The following DLG2 variants were observed in gnomAD, a reference collection of about 807,000 sequenced individuals.
The protein encoded by DLG2 is discs large MAGUK scaffold protein 2.
DLG2 carries 45 observed loss-of-function variants against 132.5 expected under a neutral mutation model. That is an observed-to-expected ratio of 0.34 (90% CI 0.27 to 0.44). The LOEUF is 0.44. Ranked by LOEUF, DLG2 falls within the 20% of genes least tolerant of loss-of-function variation. DLG2 has a pLI of 1.00. For synonymous variants in DLG2, 424 were observed against 419.6 expected, an observed-to-expected ratio of 1.01 and a Z score of -0.13; for missense variants, 1,045 against 1,196.9, an observed-to-expected ratio of 0.87 and a Z score of 1.87.
At chr11:83,894,620 C>T (rs1428596627) in intron 15 of DLG2, among the ~76,000 whole-genome samples, 1 of 152,064 alleles carries the variant, frequency 6.6e-6, no homozygotes, top group Non-Finnish European at 1.5e-5. Flanking sequence ...ATATCTATCG[C>T]CTCAACCATT....
chr11:85,145,114 C>A (rs1046973907), intron 5 of DLG2, among the ~76,000 whole-genome samples: 1 of 148,884 alleles, frequency 6.7e-6, no homozygotes, highest in Non-Finnish European at 1.5e-5. Flanking sequence ...AAAGTTGTTT[C>A]ATTTTTTTTT....
intron 6 of DLG2, among the ~76,000 whole-genome samples, chr11:84,679,125 A>G (rs1307300778): frequency 1.3e-5 from 2 of 151,984 alleles, no homozygotes; most frequent in Admixed American, 1.3e-4. Flanking sequence ...AATACAAAAT[A>G]ACAGCAATGA....
intron 11 of DLG2, among the ~76,000 whole-genome samples, chr11:84,051,768 T>C (rs1273130290): frequency 6.7e-6 from 1 of 149,852 alleles, no homozygotes; most frequent in African/African-American, 2.5e-5. Context: ...AAACTTAAAG[T>C]ATAATATAAA....
chr11:84,141,416 A>G (rs543892434), intron 9 of DLG2, among the ~76,000 whole-genome samples: 267 of 152,234 alleles, frequency 1.8e-3, no homozygotes, highest in African/African-American at 5.9e-3. Context: ...ATATGTTTAT[A>G]CTTGTATATA....
At chr11:84,409,848 C>A (rs2098889350) in intron 7 of DLG2, among the ~76,000 whole-genome samples, 1 of 152,102 alleles carries the variant, frequency 6.6e-6, no homozygotes, top group Non-Finnish European at 1.5e-5. Context: ...ACAATTCCTC[C>A]CTCCCTTCAC....
intron 3 of DLG2, among the ~76,000 whole-genome samples, chr11:85,388,674 C>G (rs1468021935): frequency 1.3e-5 from 2 of 152,184 alleles, no homozygotes. Flanking sequence ...TATCACAGGA[C>G]TCTTTGCAGA....
intron 19 of DLG2, among the ~76,000 whole-genome samples, chr11:83,579,512 G>C (rs1195320181): frequency 6.6e-6 from 1 of 152,080 alleles, no homozygotes; most frequent in Admixed American, 6.6e-5. Flanking sequence ...ATTATGTGCA[G>C]ATTTTATAGA....
At chr11:84,019,065 G>T (rs991042201) in intron 11 of DLG2, among the ~76,000 whole-genome samples, 1 of 151,524 alleles carries the variant, frequency 6.6e-6, no homozygotes, top group East Asian at 1.9e-4. Context: ...TGTTCTAGGT[G>T]GTAGTTACAG....
intron 11 of DLG2, among the ~76,000 whole-genome samples, chr11:83,985,584 A>G (rs891181365): frequency 3.3e-5 from 5 of 151,966 alleles, no homozygotes; most frequent in African/African-American, 9.7e-5. Context: ...TTCAGCTCCC[A>G]CTTACAAGTG....
intron 6 of DLG2, among the ~76,000 whole-genome samples, chr11:84,990,108 G>A (rs1158136190): frequency 3.3e-5 from 5 of 152,098 alleles, no homozygotes; most frequent in Non-Finnish European, 7.4e-5. Flanking sequence ...TCCAACAAAG[G>A]ACTTGTATCC....
At chr11:84,954,050 G>C (rs1457747163) in intron 6 of DLG2, among the ~76,000 whole-genome samples, 6 of 151,912 alleles carry the variant, frequency 3.9e-5, no homozygotes, top group Non-Finnish European at 5.9e-5. Flanking sequence ...CTTTCCGCTT[G>C]ATTTTATTGC....
intron 3 of DLG2, among the ~76,000 whole-genome samples, chr11:85,490,062 C>A (rs1314882023): frequency 2.0e-5 from 3 of 152,008 alleles, no homozygotes; most frequent in African/African-American, 7.2e-5. Context: ...GTGGTATGTA[C>A]CTGTAGTCCT....
intron 18 of DLG2, among the ~76,000 whole-genome samples, chr11:83,665,652 T>C (rs1339760953): frequency 6.6e-6 from 1 of 152,226 alleles, no homozygotes; most frequent in African/African-American, 2.4e-5. Context: ...AATGTTACTT[T>C]AACTACAATA....
chr11:85,553,135 T>C (rs1323128280), intron 3 of DLG2, among the ~76,000 whole-genome samples: 2 of 151,724 alleles, frequency 1.3e-5, no homozygotes, highest in East Asian at 1.9e-4. Flanking sequence ...CCTGAGGATA[T>C]AGCAGTGAAC....
intron 3 of DLG2, among the ~76,000 whole-genome samples, chr11:85,496,930 A>C (rs1024993760): frequency 6.6e-6 from 1 of 152,128 alleles, no homozygotes; most frequent in Admixed American, 6.6e-5. Context: ...AAAGTCATTG[A>C]CTTTAAAGAC....
At chr11:84,127,639 G>A (rs79896910) in intron 9 of DLG2, among the ~76,000 whole-genome samples, 1 of 151,924 alleles carries the variant, frequency 6.6e-6, no homozygotes, top group Non-Finnish European at 1.5e-5. Context: ...CTCACTATGC[G>A]GCCCAGGCTG....
intron 6 of DLG2, among the ~76,000 whole-genome samples, chr11:84,771,119 C>A (rs1265446785): frequency 6.6e-6 from 1 of 151,954 alleles, no homozygotes; most frequent in Admixed American, 6.6e-5. Context: ...ATTTATATTC[C>A]TTTGGGTATA....
At chr11:85,084,638 A>G (rs975367858) in intron 6 of DLG2, among the ~76,000 whole-genome samples, 1 of 152,180 alleles carries the variant, frequency 6.6e-6, no homozygotes, top group Non-Finnish European at 1.5e-5. Context: ...CCAAGGACTC[A>G]TAACTAGTGA....
chr11:85,174,137 G>T (rs985793484), intron 4 of DLG2, among the ~76,000 whole-genome samples: 1 of 152,086 alleles, frequency 6.6e-6, no homozygotes, highest in African/African-American at 2.4e-5. Context: ...GGTATCTACA[G>T]AACTCTCCAA....
Sources: allele counts gnomAD v4.1 joint callset (sites outside exome capture counted in the v4.1 genomes callset), GRCh38; gene constraint gnomAD v4.1.1; transcripts MANE v1.5; gene names NCBI Gene and HGNC (gene_info 2026-07-23, HGNC 2026-07-21).